Variants in ZFHX4 observed in about 807,000 individuals in gnomAD.
ZFHX4 encodes the protein zinc finger homeobox protein 4.
Under a neutral mutation model 267.6 loss-of-function variants are expected in ZFHX4, and 56 were observed. The observed-to-expected ratio is 0.21, with a 90% CI of 0.17 to 0.26. The LOEUF is 0.26. Ranked by LOEUF, ZFHX4 falls within the 10% of genes least tolerant of loss-of-function variation. ZFHX4 has a pLI of 1.00. For missense variants in ZFHX4, 4,332 were observed against 4,420.0 expected (o/e 0.98, Z 0.56); for synonymous variants, 1,778 against 1,665.6 (o/e 1.07, Z -1.64).
chr8:76,815,701 A>G (rs1408638423), intron 4 of ZFHX4, among the ~76,000 whole-genome samples: 4 of 152,054 alleles, frequency 2.6e-5, no homozygotes, highest in East Asian at 1.9e-4. Flanking sequence ...GGGTCTTACT[A>G]TATTGCCTAG....
chr8:76,838,134 T>C (rs1183008976), intron 5 of ZFHX4, among the ~76,000 whole-genome samples: 1 of 152,072 alleles, frequency 6.6e-6, no homozygotes, highest in African/African-American at 2.4e-5. Flanking sequence ...ATGGTACATA[T>C]AGGAAGGGAG....
chr8:76,791,969 T>TA (rs1437458155), intron 4 of ZFHX4, among the ~76,000 whole-genome samples: 10 of 152,142 alleles, frequency 6.6e-5, no homozygotes, highest in Non-Finnish European at 1.0e-4. Context: ...CATGAAACCT[T>TA]TAAGTCCACA....
At chr8:76,764,343 G>C (rs1809996926) in intron 3 of ZFHX4, among the ~76,000 whole-genome samples, 1 of 152,108 alleles carries the variant, frequency 6.6e-6, no homozygotes, top group Admixed American at 6.6e-5. Context: ...AAGAATCTGA[G>C]AGATTTGTTT....
intron 3 of ZFHX4, among the ~76,000 whole-genome samples, chr8:76,766,671 AT>A (rs1810058834): frequency 2.0e-5 from 3 of 151,952 alleles, no homozygotes; most frequent in Admixed American, 2.0e-4. Flanking sequence ...AATTTAATTT[AT>A]TTTTCCTTTT....
intron 4 of ZFHX4, among the ~76,000 whole-genome samples, chr8:76,820,227 C>A (rs919555224): frequency 6.6e-6 from 1 of 152,130 alleles, no homozygotes; most frequent in East Asian, 1.9e-4. Context: ...AATTTCTTTA[C>A]CACCAATATC....
At chr8:76,715,395 T>C (rs1808538585) in intron 3 of ZFHX4, among the ~76,000 whole-genome samples, 1 of 147,824 alleles carries the variant, frequency 6.8e-6, no homozygotes. Context: ...GGCAGGAGAA[T>C]TTCTTGAACC....
chr8:76,823,055 ATGACTCTACTACCT>A lies in ZFHX4; in HGVS notation c.3326-10281_3326-10268del, dbSNP rs1231770427. 2.0e-4 allele frequency among the ~76,000 whole-genome samples: 30 copies of A among 151,798 alleles called. No individual in the cohort carries two copies. In the East Asian group the frequency reaches 5.8e-3, roughly 29 times the overall value. On this transcript the variant is annotated intron_variant, in intron 4 of 10. Transcript: ENST00000651372. ...TAACATTTCTTTTCTCTCCAGTGAA[ATGACTCTACTACCT>A]TTCTCTACAATTTCTTCCAGACAGT...
intron 4 of ZFHX4, among the ~76,000 whole-genome samples, chr8:76,820,036 C>T (rs144692367): frequency 1.6e-4 from 24 of 152,274 alleles, no homozygotes; most frequent in East Asian, 5.8e-4. Context: ...TTTATTCCCA[C>T]GTTACTTACA....
rs1349840487 is a variant in ZFHX4 at position 76,848,845 on chromosome 8, T to C, written c.3512-150T>C. The stretch of plus-strand genomic sequence containing the variant: ...CAGTGGACAAAAAGAAGTGTTCTTA[T>C]TGCCTTTTGAGATTAGCATTATTTA... On this transcript the variant is annotated intron_variant, in intron 6 of 10. Coordinates refer to ENST00000651372, the MANE Select transcript of ZFHX4 (RefSeq NM_024721.5). The C allele has an allele frequency of 6.1e-5, 41 of 668,478 alleles. 2 individuals carry two copies. The South Asian group carries it at 1.1e-3, about 18-fold the overall frequency. The allele number at this position is 668,478 out of a possible 1,614,324, so 41.4% of individuals were successfully genotyped here.
chr8:76,761,024 C>A (rs994363675), intron 3 of ZFHX4, among the ~76,000 whole-genome samples: 2 of 151,656 alleles, frequency 1.3e-5, no homozygotes, highest in East Asian at 3.9e-4. Context: ...GTGGGGTTCA[C>A]GTCCACCAGA....
intron 3 of ZFHX4, among the ~76,000 whole-genome samples, chr8:76,736,115 A>G (rs911112768): frequency 2.6e-5 from 4 of 152,010 alleles, no homozygotes; most frequent in Non-Finnish European, 5.9e-5. Context: ...GTCTTAGTGG[A>G]TAAATGTTTA....
chr8:76,841,759 T>A (rs1812239322), intron 5 of ZFHX4, among the ~76,000 whole-genome samples: 1 of 152,168 alleles, frequency 6.6e-6, no homozygotes, highest in Admixed American at 6.5e-5. Context: ...GAAAACAGCA[T>A]GCCATGCTGT....
chr8:76,744,761 T>A (rs1809414148), intron 3 of ZFHX4, among the ~76,000 whole-genome samples: 1 of 152,186 alleles, frequency 6.6e-6, no homozygotes, highest in African/African-American at 2.4e-5. Flanking sequence ...AAAATTTTTT[T>A]AGATAAAATG....
intron 1 of ZFHX4, among the ~76,000 whole-genome samples, chr8:76,689,206 A>G (rs1807765150): frequency 1.3e-5 from 2 of 152,266 alleles, no homozygotes; most frequent in Non-Finnish European, 1.5e-5. Flanking sequence ...TTATTAAGGT[A>G]TTTCCATAAG....
intron 3 of ZFHX4, among the ~76,000 whole-genome samples, chr8:76,755,729 G>A (rs971187042): frequency 1.3e-5 from 2 of 152,084 alleles, no homozygotes; most frequent in African/African-American, 4.8e-5. Context: ...TTCATTATTA[G>A]TTAGTTGTAT....
intron 5 of ZFHX4, among the ~76,000 whole-genome samples, chr8:76,841,755 A>C (rs752403258): frequency 3.3e-5 from 5 of 152,188 alleles, no homozygotes; most frequent in Admixed American, 6.5e-5. Context: ...CAATGAAAAC[A>C]GCATGCCATG....
At chr8:76,792,587 G>A (rs768243724) in intron 4 of ZFHX4, among the ~76,000 whole-genome samples, 4 of 152,158 alleles carry the variant, frequency 2.6e-5, no homozygotes, top group Non-Finnish European at 4.4e-5. Context: ...CTTGGAGAAA[G>A]GAAGGTCCAA....
chr8:76,681,989 T>C (rs2164023), intron 1 of ZFHX4, among the ~76,000 whole-genome samples: 129,434 of 152,122 alleles, frequency 0.85, 55,314 homozygotes, highest in East Asian at 0.96. Context: ...TACGTTTGCT[T>C]GGGCAGTTTT....
intron 1 of ZFHX4, among the ~76,000 whole-genome samples, chr8:76,689,551 G>A (rs1490800087): frequency 6.6e-6 from 1 of 152,078 alleles, no homozygotes; most frequent in Admixed American, 6.6e-5. Flanking sequence ...AGTCTTTGAT[G>A]GCTAAAGACG....
Sources: allele counts gnomAD v4.1 joint callset (sites outside exome capture counted in the v4.1 genomes callset), GRCh38; gene constraint gnomAD v4.1.1; transcripts MANE v1.5; gene names NCBI Gene and HGNC (gene_info 2026-07-23, HGNC 2026-07-21).